SUSD4: variants seen among roughly 807,000 people sequenced by gnomAD.
SUSD4 encodes sushi domain-containing protein 4.
In SUSD4, 41 loss-of-function variants were observed where a neutral mutation model predicts 50.5. That is an observed-to-expected ratio of 0.81 (90% CI 0.63 to 1.05). The LOEUF is 1.05. SUSD4 is among the 50% of genes least tolerant of loss of function. SUSD4 has a pLI of 0.00. For missense variants in SUSD4, 580 were observed against 634.7 expected (o/e 0.91, Z 0.93); for synonymous variants, 257 against 257.3 (o/e 1.00, Z 0.01).
chr1:223,360,062 A>G (rs1668885778), intron 2 of SUSD4: 3 of 391,958 alleles, frequency 7.7e-6, no homozygotes, highest in East Asian at 7.4e-5. Flanking sequence ...CATCCTTCAC[A>G]CCAACCCTAT....
chr1:223,311,854 G>T (rs1232743615), intron 2 of SUSD4, among the ~76,000 whole-genome samples: 1 of 152,198 alleles, frequency 6.6e-6, no homozygotes, highest in Non-Finnish European at 1.5e-5. Context: ...ACAGGGGCTT[G>T]CATTGTATCT....
chr1:223,306,269 T>A (rs548337991), intron 2 of SUSD4, among the ~76,000 whole-genome samples: 1 of 152,326 alleles, frequency 6.6e-6, no homozygotes, highest in East Asian at 1.9e-4. Flanking sequence ...GAAACTGCTC[T>A]ATAAAAGCAT....
intron 2 of SUSD4, among the ~76,000 whole-genome samples, chr1:223,359,275 C>T (rs1668835635): frequency 6.6e-6 from 1 of 152,176 alleles, no homozygotes; most frequent in Admixed American, 6.5e-5. Context: ...CCTATTTTTC[C>T]TTCTACCCTA....
intron 5 of SUSD4, among the ~76,000 whole-genome samples, chr1:223,230,228 G>A (rs1659803738): frequency 1.3e-5 from 2 of 152,072 alleles, no homozygotes; most frequent in Non-Finnish European, 2.9e-5. Context: ...GGCTTCAGTG[G>A]GAGTTCGGTG....
Position 223,268,670 on chromosome 1 carries a change from G to A in SUSD4, c.367C>T (p.Arg123Cys), listed in dbSNP as rs775181863. The part of the protein sequence containing the change: ...DNSICVQEDC[R>C]IPQIEDAEIH... ...TCAGCATCTTCGATTTGAGGGATAC[G>A]GCAATCTGCAATTTTGTAAAAGGTA... Residue 123 changes from arginine to cysteine, a missense_variant, in exon 4 of 9, where the codon CGT (arginine) becomes TGT (cysteine). Transcript: ENST00000366878. 1.7e-5 allele frequency: 28 copies of A among 1,608,682 alleles called. No homozygotes were observed. Among genetic ancestry groups the A allele is most frequent in the African/African-American group, 8.0e-5 (6 of 74,728 alleles).
At chr1:223,252,652 A>G (rs917598074) in intron 5 of SUSD4, among the ~76,000 whole-genome samples, 2 of 152,170 alleles carry the variant, frequency 1.3e-5, no homozygotes, top group Non-Finnish European at 2.9e-5. Flanking sequence ...TGATGTAGGC[A>G]CAGGTGTTTA....
At chr1:223,228,354 C>A (rs1282430186) in intron 6 of SUSD4, among the ~76,000 whole-genome samples, 1 of 152,228 alleles carries the variant, frequency 6.6e-6, no homozygotes, top group Non-Finnish European at 1.5e-5. Flanking sequence ...ACTCTCTTTG[C>A]ACTTCTCCCC....
chr1:223,301,482 C>T (rs529473448), intron 2 of SUSD4, among the ~76,000 whole-genome samples: 1 of 152,338 alleles, frequency 6.6e-6, no homozygotes, highest in African/African-American at 2.4e-5. Flanking sequence ...CTGGAGTACA[C>T]ATTGCCCTCA....
intron 2 of SUSD4, among the ~76,000 whole-genome samples, chr1:223,350,520 C>T (rs541347140): frequency 2.6e-5 from 4 of 152,338 alleles, no homozygotes; most frequent in Admixed American, 6.5e-5. Context: ...AATCCTCTCA[C>T]GGTCCTCCCT....
At chr1:223,253,276 C>T (rs890980835) in intron 5 of SUSD4, among the ~76,000 whole-genome samples, 4 of 151,192 alleles carry the variant, frequency 2.6e-5, no homozygotes, top group African/African-American at 7.3e-5. Context: ...GGGCACAGTT[C>T]GGAGTCAGGC....
At chr1:223,297,228 G>T (rs1276742833) in intron 2 of SUSD4, among the ~76,000 whole-genome samples, 1 of 152,222 alleles carries the variant, frequency 6.6e-6, no homozygotes, top group Non-Finnish European at 1.5e-5. Flanking sequence ...ATGTGGAGAG[G>T]GAAGGGTGAC....
At chr1:223,245,505 G>A (rs1354034021) in intron 5 of SUSD4, among the ~76,000 whole-genome samples, 1 of 152,142 alleles carries the variant, frequency 6.6e-6, no homozygotes, top group African/African-American at 2.4e-5. Flanking sequence ...GAGTGTGCAG[G>A]AGACAGAGGG....
intron 5 of SUSD4, among the ~76,000 whole-genome samples, chr1:223,245,431 C>G: frequency 6.6e-6 from 1 of 151,984 alleles, no homozygotes; most frequent in East Asian, 1.9e-4. Flanking sequence ...GAGGATGTGC[C>G]TGGCAGAGAG....
intron 3 of SUSD4, among the ~76,000 whole-genome samples, chr1:223,288,696 T>C (rs1037584665): frequency 6.6e-6 from 1 of 152,304 alleles, no homozygotes; most frequent in East Asian, 1.9e-4. Context: ...ATGATGACAA[T>C]GGATTTTGGC....
chr1:223,255,568 A>G (rs891679183), intron 5 of SUSD4, among the ~76,000 whole-genome samples: 3 of 152,126 alleles, frequency 2.0e-5, no homozygotes, highest in Admixed American at 6.5e-5. Context: ...GGTCAAAGTT[A>G]CCTGGGGCTT....
At chr1:223,336,173 C>T (rs772118400) in intron 2 of SUSD4, among the ~76,000 whole-genome samples, 33 of 152,224 alleles carry the variant, frequency 2.2e-4, no homozygotes, top group Admixed American at 9.8e-4. Context: ...AGGCTGGTCT[C>T]GAACTCCTGA....
chr1:223,237,588 C>T (rs1660309863), intron 5 of SUSD4, among the ~76,000 whole-genome samples: 1 of 151,682 alleles, frequency 6.6e-6, no homozygotes, highest in South Asian at 2.1e-4. Flanking sequence ...TGTCAAATGC[C>T]TTTTCTGCAT....
intron 2 of SUSD4, among the ~76,000 whole-genome samples, chr1:223,330,678 A>G (rs1295220247): frequency 2.0e-5 from 3 of 152,238 alleles, no homozygotes; most frequent in African/African-American, 4.8e-5. Flanking sequence ...GCTAATGTAC[A>G]GTTAGCACCC....
At chr1:223,255,573 G>A (rs1661626864) in intron 5 of SUSD4, among the ~76,000 whole-genome samples, 1 of 152,166 alleles carries the variant, frequency 6.6e-6, no homozygotes, top group East Asian at 1.9e-4. Flanking sequence ...AAGTTACCTG[G>A]GGCTTCCCAG....
Sources: gnomAD v4.1 joint callset for allele counts (sites outside exome capture counted in the v4.1 genomes callset) on GRCh38, gnomAD v4.1.1 for gene constraint, MANE v1.5 for transcripts, NCBI Gene and HGNC (gene_info 2026-07-23, HGNC 2026-07-21) for gene names.